The following OXCT1 variants were observed in gnomAD, a reference collection of about 807,000 sequenced individuals.
OXCT1 encodes the protein 3-oxoacid CoA-transferase 1.
A neutral mutation model predicts 69.6 loss-of-function variants in OXCT1; 27 were observed. The ratio of observed to expected loss-of-function variants is 0.39; its 90% CI spans 0.29 to 0.54. OXCT1 has a LOEUF of 0.54. OXCT1 is among the 20% of genes least tolerant of loss of function. OXCT1 has a pLI of 0.72. For synonymous variants in OXCT1, 202 were observed against 217.8 expected (o/e 0.93, Z 0.64); for missense variants, 437 against 650.2 (o/e 0.67, Z 3.57).
chr5:41,769,272 C>A (rs981641307), intron 13 of OXCT1, among the ~76,000 whole-genome samples: 1 of 152,054 alleles, frequency 6.6e-6, no homozygotes, highest in Non-Finnish European at 1.5e-5. Context: ...CTCTAACCAC[C>A]CTTCCCCCCA....
intron 13 of OXCT1, among the ~76,000 whole-genome samples, chr5:41,780,504 C>T (rs1052586186): frequency 6.6e-6 from 1 of 152,164 alleles, no homozygotes; most frequent in African/African-American, 2.4e-5. Flanking sequence ...TCATCAAAAT[C>T]AAGTTCCTCA....
At chr5:41,731,875 C>T (rs1742650914) in intron 16 of OXCT1, 105 bp from the exon 17 acceptor site, 6 of 1,297,658 alleles carry the variant, frequency 4.6e-6, no homozygotes, top group Non-Finnish European at 6.5e-6. Context: ...AGCAGCCTTG[C>T]CATGGACATT....
rs367584226 is a variant in OXCT1 at position 41,767,722 on chromosome 5, G to GTATATATATATATATATATA, written c.1249-5542_1249-5523dup. On this transcript the variant is annotated intron_variant, in intron 13 of 16. Transcript: ENST00000196371. ...TCTAGTATCTAATATATATGTGTGT[G>GTATATATATATATATATATA]TATATATATATATATATATATATAT... 3.6e-3 allele frequency among the ~76,000 whole-genome samples: 325 copies of GTATATATATATATATATATA among 89,764 alleles called. 1 individual carries two copies. Among genetic ancestry groups the GTATATATATATATATATATA allele is most frequent in the Non-Finnish European group, 4.4e-3 (216 of 49,480 alleles). 58.9% of individuals were successfully genotyped at this position (89,764 alleles called of 152,430 possible). A position where few individuals can be genotyped will look rare whatever the true frequency, so the allele number is the denominator to read the frequency against.
chr5:41,837,042 C>G lies in OXCT1; in HGVS notation c.732+3409G>C, dbSNP rs1008894691. 5.9e-5 allele frequency among the ~76,000 whole-genome samples: 9 copies of G among 152,080 alleles called. No individual in the cohort carries two copies. The East Asian group carries it at 1.7e-3, about 29-fold the overall frequency. ...AATTTAAAAATTATAAACAAAAAAG[C>G]AAGATGTATGTTCCTTTGCCACCCT... On this transcript the variant is annotated intron_variant, in intron 7 of 16. Transcript: ENST00000196371.
rs78253456 is a variant in OXCT1, at chr5:41,801,005, G to C, written c.1099+17C>G. On this transcript the variant is annotated intron_variant, in intron 11 of 16. Coordinates refer to ENST00000196371, the MANE Select transcript of OXCT1 (RefSeq NM_000436.4). Reference sequence around the variant, plus strand: ...AAATTAATAGCAAAGGGAAGGGCTAGAAATAAGTGAGCTTACCTGCATTGA... The same window carrying C: ...AAATTAATAGCAAAGGGAAGGGCTACAAATAAGTGAGCTTACCTGCATTGA... 829 of 1,607,274 alleles carry C rather than the reference G, an allele frequency of 5.2e-4. 7 individuals are homozygous for C. In the African/African-American group the frequency reaches 0.01, roughly 20 times the overall value.
At chr5:41,853,824 C>A in intron 3 of OXCT1, 1 of 524,392 alleles carries the variant, frequency 1.9e-6, no homozygotes, top group Non-Finnish European at 3.5e-6. Flanking sequence ...CAGTAAGGGA[C>A]ATACAGCCAA....
intron 16 of OXCT1, among the ~76,000 whole-genome samples, chr5:41,733,332 C>T (rs866389700): frequency 2.6e-5 from 4 of 151,584 alleles, no homozygotes; most frequent in African/African-American, 4.9e-5. Context: ...CCGCAACCTC[C>T]GCCTCCTGGG....
intron 11 of OXCT1, among the ~76,000 whole-genome samples, chr5:41,796,888 A>G (rs550056162): frequency 6.6e-6 from 1 of 152,314 alleles, no homozygotes; most frequent in South Asian, 2.1e-4. Context: ...AAAGCTACTT[A>G]TAAAAGAGAT....
intron 14 of OXCT1, among the ~76,000 whole-genome samples, chr5:41,755,470 C>G (rs953106475): frequency 1.3e-5 from 2 of 151,980 alleles, no homozygotes; most frequent in Non-Finnish European, 2.9e-5. Flanking sequence ...CTAGCTGAAA[C>G]TCTTATTAAT....
intron 13 of OXCT1, among the ~76,000 whole-genome samples, chr5:41,776,819 T>C (rs1363346603): frequency 6.6e-6 from 1 of 152,194 alleles, no homozygotes; most frequent in African/African-American, 2.4e-5. Flanking sequence ...ATTATGTTGA[T>C]AAGCCTATCT....
intron 12 of OXCT1, chr5:41,794,279 A>T: frequency 1.6e-6 from 1 of 622,842 alleles, no homozygotes. Context: ...GTTACAGTAT[A>T]CATTGTTTCA....
In OXCT1 at chr5:41,850,076, T is replaced by C. The variant is rs886060637; in HGVS notation, c.518A>G (p.Lys173Arg). The change falls in exon 5 of 17, where the codon AAA (lysine) becomes AGA (arginine). Residue 173 changes from lysine (K) to arginine (R), a missense_variant. Around this residue, in one of 4 missense-constraint regions of OXCT1, gnomAD observed 252 missense variants for 397.4 expected, o/e 0.63. Transcript: ENST00000196371. ...GGCAACACTGCCATCTTTGTTGTAT[T>C]TGATGGGCGATCCTCCTTCTTGTAC... is the stretch of plus-strand genomic sequence containing the variant. ...TLVQEGGSPI[K>R]YNKDGSVAIA... 4 of 1,613,860 alleles carry C rather than the reference T, an allele frequency of 2.5e-6. No homozygotes were observed. Among genetic ancestry groups the C allele is most frequent in the South Asian group, 2.2e-5 (2 of 91,082 alleles).
intron 1 of OXCT1, among the ~76,000 whole-genome samples, chr5:41,867,079 CTTTTT>C (rs760475701): frequency 1.3e-4 from 20 of 152,148 alleles, no homozygotes; most frequent in Non-Finnish European, 2.6e-4. Flanking sequence ...TTTTTCTTTT[CTTTTT>C]AATTTTTTTA....
intron 5 of OXCT1, among the ~76,000 whole-genome samples, chr5:41,845,039 A>G (rs759804152): frequency 3.4e-4 from 52 of 151,918 alleles, no homozygotes; most frequent in Admixed American, 1.7e-3. Context: ...TCAAAACTCC[A>G]TAGGCTTCCC....
chr5:41,746,104 G>T (rs1019631216), intron 15 of OXCT1, among the ~76,000 whole-genome samples: 1 of 152,006 alleles, frequency 6.6e-6, no homozygotes, highest in Non-Finnish European at 1.5e-5. Flanking sequence ...CAAAAAAAGA[G>T]AATTTTAGAC....
At chr5:41,859,865 A>ATATATATATATATAT (rs1491332928) in intron 3 of OXCT1, among the ~76,000 whole-genome samples, 7 of 59,126 alleles carry the variant, frequency 1.2e-4, no homozygotes, top group African/African-American at 5.4e-4. Context: ...TAGTATAGTA[A>ATATATATATATATAT]TATATATATA....
At chr5:41,759,155 G>A (rs1249807178) in intron 14 of OXCT1, among the ~76,000 whole-genome samples, 1 of 150,572 alleles carries the variant, frequency 6.6e-6, no homozygotes, top group African/African-American at 2.4e-5. Context: ...CTGGTGCAGA[G>A]GTAGCTTTGT....
intron 13 of OXCT1, among the ~76,000 whole-genome samples, chr5:41,786,643 T>C (rs888748307): frequency 1.3e-4 from 20 of 152,230 alleles, no homozygotes; most frequent in African/African-American, 4.8e-4. Flanking sequence ...TGAAATGTCA[T>C]GCAGCCTGAG....
chr5:41,767,722 GTATATATATA>G (rs367584226), intron 13 of OXCT1, among the ~76,000 whole-genome samples: 2 of 89,972 alleles, frequency 2.2e-5, no homozygotes, highest in Admixed American at 1.3e-4. Flanking sequence ...ATATGTGTGT[GTATATATATA>G]TATATATATA....
Sources: gnomAD v4.1 joint callset for allele counts (sites outside exome capture counted in the v4.1 genomes callset) on GRCh38, gnomAD v4.1.1 for gene constraint, gnomAD v4.1.1 regional missense constraint, MANE v1.5 for transcripts, NCBI Gene and HGNC (gene_info 2026-07-23, HGNC 2026-07-21) for gene names.